The following MYO10 variants were observed in gnomAD, a reference collection of about 807,000 sequenced individuals.
MYO10 encodes myosin X.
MYO10 carries 133 observed loss-of-function variants against 257.3 expected under a neutral mutation model. That is an observed-to-expected ratio of 0.52 (90% CI 0.45 to 0.60). The LOEUF (loss-of-function observed/expected upper bound fraction) is 0.60, where lower values mean the gene tolerates loss of function less well. MYO10 is among the 20% of genes least tolerant of loss of function. The pLI, the probability that MYO10 is intolerant of heterozygous loss-of-function variation, is 0.00. For missense variants in MYO10, 2,399 were observed against 2,635.7 expected (o/e 0.91, Z 1.97); for synonymous variants, 1,104 against 1,028.6 (o/e 1.07, Z -1.40).
intron 27 of MYO10, among the ~76,000 whole-genome samples, chr5:16,691,473 C>A (rs552327180): frequency 6.6e-5 from 10 of 151,928 alleles, no homozygotes; most frequent in African/African-American, 2.4e-4. Flanking sequence ...ATGAGGCAGG[C>A]GGATCACTTC....
intron 2 of MYO10, among the ~76,000 whole-genome samples, chr5:16,828,810 G>A (rs1743076816): frequency 6.6e-6 from 1 of 151,976 alleles, no homozygotes; most frequent in Non-Finnish European, 1.5e-5. Flanking sequence ...GGAACTCCCG[G>A]GCTCAAGCAG....
chr5:16,669,292 C>T (rs1736328565), intron 39 of MYO10, among the ~76,000 whole-genome samples: 1 of 151,886 alleles, frequency 6.6e-6, no homozygotes, highest in African/African-American at 2.4e-5. Flanking sequence ...TGGCTCACTG[C>T]AACCTCCACC....
chr5:16,735,029 G>A (rs764067059), intron 19 of MYO10, among the ~76,000 whole-genome samples: 3 of 152,108 alleles, frequency 2.0e-5, no homozygotes, highest in Non-Finnish European at 4.4e-5. Flanking sequence ...ACAAACCAAT[G>A]ACCTGTGGCT....
chr5:16,771,807 C>T (rs1741059130), intron 9 of MYO10, among the ~76,000 whole-genome samples: 1 of 151,394 alleles, frequency 6.6e-6, no homozygotes, highest in African/African-American at 2.4e-5. Context: ...TCTCAAACTC[C>T]TGCGCTCAAG....
At chr5:16,672,268 C>A (rs1240448197) in intron 37 of MYO10, among the ~76,000 whole-genome samples, 2 of 132,448 alleles carry the variant, frequency 1.5e-5, no homozygotes, top group East Asian at 4.6e-4. Flanking sequence ...GCACTTCAGC[C>A]TGGGCAACAG....
chr5:16,852,478 C>A (rs1221642461), intron 2 of MYO10, among the ~76,000 whole-genome samples: 1 of 151,952 alleles, frequency 6.6e-6, no homozygotes. Context: ...AATTAACTGA[C>A]CTTTTTTTTG....
intron 8 of MYO10, among the ~76,000 whole-genome samples, chr5:16,780,021 C>A (rs1180041001): frequency 6.6e-6 from 1 of 152,162 alleles, no homozygotes; most frequent in Non-Finnish European, 1.5e-5. Flanking sequence ...CCTGCCTCAG[C>A]CTCCTGAGTA....
At chr5:16,739,517 A>G (rs116090809) in intron 19 of MYO10, among the ~76,000 whole-genome samples, 2,305 of 152,268 alleles carry the variant, frequency 0.015, 33 homozygotes, top group Middle Eastern at 0.034. Flanking sequence ...GCATATTCTG[A>G]TTGGCAAATA....
intron 1 of MYO10, among the ~76,000 whole-genome samples, chr5:16,922,665 T>A (rs1043996307): frequency 6.6e-6 from 1 of 152,188 alleles, no homozygotes; most frequent in South Asian, 2.1e-4. Context: ...AAAGTGTTCA[T>A]GTATCTACTC....
chr5:16,825,419 A>G (rs1037900693), intron 2 of MYO10, among the ~76,000 whole-genome samples: 2 of 152,220 alleles, frequency 1.3e-5, no homozygotes, highest in African/African-American at 4.8e-5. Flanking sequence ...CACGACCCAC[A>G]GTGAGAAATG....
At chr5:16,813,147 A>G (rs1742492825) in intron 3 of MYO10, among the ~76,000 whole-genome samples, 1 of 152,138 alleles carries the variant, frequency 6.6e-6, no homozygotes, top group African/African-American at 2.4e-5. Flanking sequence ...TCAGAACAGA[A>G]AGTCAACAAA....
intron 3 of MYO10, among the ~76,000 whole-genome samples, chr5:16,796,769 G>A (rs1431547925): frequency 6.6e-6 from 1 of 152,154 alleles, no homozygotes; most frequent in Non-Finnish European, 1.5e-5. Context: ...GCTGATTCAT[G>A]CCTTCTCCCC....
At chr5:16,897,433 C>G (rs1718529282) in intron 1 of MYO10, among the ~76,000 whole-genome samples, 1 of 152,162 alleles carries the variant, frequency 6.6e-6, no homozygotes, top group Non-Finnish European at 1.5e-5. Context: ...GTACGCCCTA[C>G]TGGTGTTTGA....
chr5:16,921,978 GCTGAGGCAGGTGGATCAC>G (rs1207007504), intron 1 of MYO10, among the ~76,000 whole-genome samples: 1 of 152,112 alleles, frequency 6.6e-6, no homozygotes, highest in Non-Finnish European at 1.5e-5. Flanking sequence ...ATTTTGGGAG[GCTGAGGCAGGTGGATCAC>G]CTGAGGTCAG....
At chr5:16,838,767 T>C (rs1298078746) in intron 2 of MYO10, among the ~76,000 whole-genome samples, 1 of 152,146 alleles carries the variant, frequency 6.6e-6, no homozygotes, top group Non-Finnish European at 1.5e-5. Context: ...TTGTTAGGGG[T>C]TAATGCAAAT....
chr5:16,799,782 C>T (rs1742068672), intron 3 of MYO10, among the ~76,000 whole-genome samples: 1 of 152,208 alleles, frequency 6.6e-6, no homozygotes, highest in Admixed American at 6.5e-5. Context: ...ATATGAACCA[C>T]TGTGCCCGGC....
intron 1 of MYO10, among the ~76,000 whole-genome samples, chr5:16,918,203 G>A (rs1392918380): frequency 6.6e-6 from 1 of 152,144 alleles, no homozygotes. Flanking sequence ...AATGGGTAAG[G>A]AAGATGTGAA....
chr5:16,675,972 G>A, intron 34 of MYO10, 59 bp downstream of exon 34: 1 of 1,540,428 alleles, frequency 6.5e-7, no homozygotes, highest in Non-Finnish European at 8.8e-7. Flanking sequence ...AAGCTAAAGA[G>A]TTAGCAGGGC....
At chr5:16,710,474 A>C in intron 21 of MYO10, among the ~76,000 whole-genome samples, 1 of 152,154 alleles carries the variant, frequency 6.6e-6, no homozygotes, top group East Asian at 1.9e-4. Context: ...AGGATTTCAG[A>C]CCGGCTACTG....
Sources: allele counts gnomAD v4.1 joint callset (sites outside exome capture counted in the v4.1 genomes callset), GRCh38; gene constraint gnomAD v4.1.1; transcripts MANE v1.5; gene names NCBI Gene and HGNC (gene_info 2026-07-23, HGNC 2026-07-21).